CCDC57: variants seen among roughly 807,000 people sequenced by gnomAD.
CCDC57 encodes coiled-coil domain containing 57.
A neutral mutation model predicts 118.9 loss-of-function variants in CCDC57; 118 were observed. The ratio of observed to expected loss-of-function variants is 0.99; its 90% CI spans 0.86 to 1.16. CCDC57 has a LOEUF of 1.16. Ranked by LOEUF, CCDC57 falls within the 50% of genes most tolerant of loss-of-function variation. The pLI, the probability that CCDC57 is intolerant of heterozygous loss-of-function variation, is 0.00. For synonymous variants in CCDC57, 527 were observed against 532.9 expected, an observed-to-expected ratio of 0.99 and a Z score of 0.15; for missense variants, 1,300 against 1,320.7, an observed-to-expected ratio of 0.98 and a Z score of 0.24.
At chr17:82,153,516 T>C (rs6416858) in intron 15 of CCDC57, 149,872 of 152,324 alleles carry the variant, frequency 0.98, 73,779 homozygotes, top group East Asian at 1. Flanking sequence ...AAGGAGGGCA[T>C]GGATCACAGG....
intron 9 of CCDC57, among the ~76,000 whole-genome samples, chr17:82,180,048 G>A (rs905057488): frequency 1.3e-5 from 2 of 152,224 alleles, no homozygotes; most frequent in Admixed American, 6.5e-5. Context: ...GGCTCTGCGT[G>A]AGACTGGAGG....
rs1013037189 is a variant in CCDC57, at chr17:82,118,703, T to G, written c.2899+8989A>C. 6.6e-6 allele frequency among the ~76,000 whole-genome samples: 1 copy of G among 152,128 alleles called. No individual in the cohort carries two copies. The highest frequency in any genetic ancestry group is 1.5e-5 in the Non-Finnish European group (1 of 68,010). On this transcript the variant is annotated intron_variant, in intron 19 of 19. Transcript: ENST00000665763. The surrounding 1 kb of genome is among the most constrained non-coding windows in gnomAD (Gnocchi z 4.7). ...CTCTGGAACTGCCTTAGGGAGAGCTTCCGTCCGCACTGGGTGCCACTCAGT... is the reference window on the plus strand; with the variant it reads ...CTCTGGAACTGCCTTAGGGAGAGCTGCCGTCCGCACTGGGTGCCACTCAGT...
rs1491572107 is a variant in CCDC57 at position 82,212,398 on chromosome 17, T to TC, written c.-211+386_-211+387insG. ...GCCTCCGGCCTTTTTTTTTCCTCTC[T>TC]TTTTTTTTTTTTTTTTTTAAACTCA... On this transcript the variant is annotated intron_variant, in intron 1 of 19. Coordinates refer to ENST00000665763, the Ensembl canonical transcript of CCDC57. This position sits in a 1 kb window ranked among gnomAD's most constrained non-coding sequence, Gnocchi z 4.1. Among the ~76,000 whole-genome samples, 410 of 129,152 alleles carry TC rather than the reference T, an allele frequency of 3.2e-3. 2 individuals are homozygous for TC. Among genetic ancestry groups the TC allele is most frequent in the African/African-American group, 5.4e-3 (166 of 31,014 alleles). The allele number at this position is 129,152 out of a possible 152,430, so 84.7% of individuals were successfully genotyped here.
At position 82,172,953 on chromosome 17, in the gene CCDC57, C is replaced by A; in HGVS notation, c.1507-93G>T. On this transcript the variant is annotated intron_variant, in intron 11 of 19. Coordinates refer to ENST00000665763, the Ensembl canonical transcript of CCDC57. The surrounding 1 kb of genome is among the most constrained non-coding windows in gnomAD (Gnocchi z 5.2). ...GCCTCCGCTCTCCCCGCGCCCCTCT[C>A]GGGCCGGTCCCCCGCTTCAGCTTGG... 1.8e-6 allele frequency: 2 copies of A among 1,139,818 alleles called. No homozygotes were observed. Among genetic ancestry groups the A allele is most frequent in the East Asian group, 5.1e-5 (2 of 39,250 alleles). 70.6% of individuals were successfully genotyped at this position (1,139,818 alleles called of 1,614,324 possible). A position where few individuals can be genotyped will look rare whatever the true frequency, so the allele number is the denominator to read the frequency against.
chr17:82,201,743 C>A, exon 3 of CCDC57: 1 of 1,613,966 alleles, frequency 6.2e-7, no homozygotes, highest in Non-Finnish European at 8.5e-7. Flanking sequence ...AGCTCGAGGT[C>A]CCGCTCCTCC....
chr17:82,129,652 T>A (rs1598752495), intron 17 of CCDC57, among the ~76,000 whole-genome samples: 1 of 152,338 alleles, frequency 6.6e-6, no homozygotes, highest in East Asian at 1.9e-4. Flanking sequence ...TACCTTCTGA[T>A]CAGACCCTTT....
Position 82,179,190 on chromosome 17 carries a change from C to T in CCDC57, c.1212-1G>A, listed in dbSNP as rs1422161068. ...TGCCAGGGACAGCTGTTGCTTGTAC[C>T]TAAGGACACGTCCAACCGCTCAGCA... On this transcript the variant is annotated splice_acceptor_variant, in intron 9 of 19. Transcript: ENST00000665763. LOFTEE classifies it high-confidence loss of function. The T allele has an allele frequency of 6.2e-7, 1 of 1,612,526 alleles. No individual in the cohort carries two copies. The highest frequency in any genetic ancestry group is 1.7e-5 in the Admixed American group (1 of 59,728).
exon 10 of CCDC57, chr17:82,179,058 A>C: frequency 6.2e-7 from 1 of 1,613,892 alleles, no homozygotes; most frequent in Non-Finnish European, 8.5e-7. Context: ...ACCCTGAATC[A>C]GGGCCTCTGA....
At chr17:82,186,202 C>A (rs1004396194) in intron 8 of CCDC57, among the ~76,000 whole-genome samples, 8 of 152,130 alleles carry the variant, frequency 5.3e-5, no homozygotes, top group African/African-American at 1.9e-4. Context: ...AGGAAAGATA[C>A]AAGCTTTAGA....
intron 19 of CCDC57, chr17:82,107,288 G>A (rs1023027456): frequency 5.0e-6 from 2 of 399,598 alleles, no homozygotes; most frequent in East Asian, 1.4e-4. Flanking sequence ...AAGAGGCAAA[G>A]GCCCACACAC....
At chr17:82,206,764 G>A (rs1315133131) in intron 2 of CCDC57, among the ~76,000 whole-genome samples, 3 of 152,144 alleles carry the variant, frequency 2.0e-5, no homozygotes, top group South Asian at 2.1e-4. Context: ...CAGAAGTTCC[G>A]GAGGCCAGGA....
At chr17:82,211,170 C>T (rs564471584) in intron 1 of CCDC57, among the ~76,000 whole-genome samples, 1 of 152,222 alleles carries the variant, frequency 6.6e-6, no homozygotes, top group East Asian at 1.9e-4. Flanking sequence ...TGACTAGCAC[C>T]AACAGCCAGG....
intron 13 of CCDC57, among the ~76,000 whole-genome samples, chr17:82,170,884 C>G (rs1002841963): frequency 3.9e-5 from 6 of 152,242 alleles, no homozygotes; most frequent in Non-Finnish European, 7.3e-5. Flanking sequence ...CCGCTGACCA[C>G]GTAAGTGTTG....
At chr17:82,176,497 A>T (rs1413803523) in intron 11 of CCDC57, among the ~76,000 whole-genome samples, 1 of 152,078 alleles carries the variant, frequency 6.6e-6, no homozygotes, top group East Asian at 1.9e-4. Flanking sequence ...CTACGTCCTC[A>T]CGCCCTCACC....
At chr17:82,154,766 G>T (rs1026442988) in intron 15 of CCDC57, 1 of 146,090 alleles carries the variant, frequency 6.8e-6, no homozygotes. Context: ...GCGTTTCTAC[G>T]GATGATGACT....
chr17:82,145,764 C>A, intron 16 of CCDC57: 1 of 458,928 alleles, frequency 2.2e-6, no homozygotes, highest in East Asian at 7.8e-5. Context: ...CTGAGTGGGG[C>A]TGTTCTCACT....
At chr17:82,116,756 C>A (rs1264418843) in intron 19 of CCDC57, among the ~76,000 whole-genome samples, 8 of 152,154 alleles carry the variant, frequency 5.3e-5, no homozygotes, top group Non-Finnish European at 1.2e-4. Context: ...TGGTGTCTGG[C>A]ACTTAGTAGG....
chr17:82,104,990 A>G (rs111397254), intron 19 of CCDC57: 3,020 of 152,378 alleles, frequency 0.02, 114 homozygotes, highest in African/African-American at 0.07. Context: ...CCACCCTGTG[A>G]GTTTCTTCTC....
At chr17:82,113,450 G>C (rs1290967806) in intron 19 of CCDC57, 7 of 717,520 alleles carry the variant, frequency 9.8e-6, no homozygotes, top group Non-Finnish European at 1.8e-5. Flanking sequence ...AGAGAGCAGG[G>C]TCCTCTCCTT....
Sources: gnomAD v4.1 joint callset for allele counts (sites outside exome capture counted in the v4.1 genomes callset) on GRCh38, gnomAD v4.1.1 for gene constraint, Gnocchi (gnomAD v3.1) non-coding constraint, MANE v1.5 for transcripts, NCBI Gene and HGNC (gene_info 2026-07-23, HGNC 2026-07-21) for gene names.